The following NOX1 variants were observed in gnomAD, a reference collection of about 807,000 sequenced individuals.
The protein encoded by NOX1 is NADPH oxidase 1, also known as NADH/NADPH mitogenic oxidase subunit P65-MOX.
A neutral mutation model predicts 42.5 loss-of-function variants in NOX1; 34 were observed. The ratio of observed to expected loss-of-function variants is 0.80; its 90% confidence interval spans 0.61 to 1.07. The LOEUF is 1.07. Among genes scored for constraint, NOX1 ranks in the 50% least tolerant of loss-of-function variants. The probability of loss-of-function intolerance (pLI) is 0.00; values close to 1 mark genes in which losing one functional copy is unlikely to be tolerated. For missense variants in NOX1, 408 were observed against 427.0 expected (o/e 0.96, Z 0.39); for synonymous variants, 143 against 152.5 (o/e 0.94, Z 0.46).
At chrX:100,863,050 A>G in intron 4 of NOX1, 109 bp downstream of exon 4, 1 of 657,536 alleles carries the variant, frequency 1.5e-6, no homozygotes, top group Non-Finnish European at 2.5e-6. Flanking sequence ...TGCCTGACAA[A>G]TAGTGCCCAG....
At chrX:100,856,335 G>A in intron 7 of NOX1, 1 of 624,172 alleles carries the variant, frequency 1.6e-6, no homozygotes, top group African/African-American at 2.2e-5. Context: ...CCAATGAAGA[G>A]CTTCCTCAGC....
In NOX1 at chrX:100,874,239, G is replaced by T. The variant is rs1659557120; in HGVS notation, c.-100C>A. The T allele has an allele frequency of 1.8e-6, 1 of 567,226 alleles. No individual in the cohort carries two copies. The highest frequency in any genetic ancestry group is 2.8e-5 in the Admixed American group (1 of 36,305). 46.7% of individuals were successfully genotyped at this position (567,226 alleles called of 1,213,427 possible). A position where few individuals can be genotyped will look rare whatever the true frequency, so the allele number is the denominator to read the frequency against. On this transcript the variant is annotated 5_prime_UTR_variant, in exon 1 of 13. Transcript: ENST00000372966. ...GGAATGGAACATTTGTCCAGCGCAG[G>T]GTCTGTGAGCCTTTAAGATGTGAAA... is the stretch of plus-strand genomic sequence containing the variant.
chrX:100,859,670 T>A (rs1420517465), intron 7 of NOX1, among the ~76,000 whole-genome samples: 1 of 109,543 alleles, frequency 9.1e-6, no homozygotes, highest in Non-Finnish European at 1.9e-5. Context: ...TCTTGCGAGG[T>A]TGTATGTGTC....
At chrX:100,859,164 G>T (rs1057475671) in intron 7 of NOX1, among the ~76,000 whole-genome samples, 1 of 111,822 alleles carries the variant, frequency 8.9e-6, no homozygotes, top group African/African-American at 3.3e-5. Context: ...TTTATTGAAA[G>T]CCTTTTGTGT....
chrX:100,870,579 A>G, intron 2 of NOX1, 140 bp downstream of exon 2: 1 of 496,735 alleles, frequency 2.0e-6, no homozygotes, highest in Non-Finnish European at 3.5e-6. Flanking sequence ...TTTATCTGAA[A>G]CTCAAAGTCA....
In NOX1 at chrX:100,843,336, G is replaced by C; in HGVS notation, c.*616C>G. On this transcript the variant is annotated 3_prime_UTR_variant, in exon 13 of 13. Coordinates refer to ENST00000372966, the MANE Select transcript of NOX1 (RefSeq NM_007052.5). ...AAAGACTCATTCATCAAGTGAAGAA[G>C]AAAATCCTTTATTTTTTGATGAGCA... is the stretch of plus-strand genomic sequence containing the variant. The C allele has an allele frequency of 1.8e-6, 2 of 1,106,079 alleles. No homozygotes were observed. Among genetic ancestry groups the C allele is most frequent in the Non-Finnish European group, 2.4e-6 (2 of 850,415 alleles). The allele number at this position is 1,106,079 out of a possible 1,213,427, so 91.2% of individuals were successfully genotyped here. A position where few individuals can be genotyped will look rare whatever the true frequency, so the allele number is the denominator to read the frequency against.
At chrX:100,846,922 C>T (rs1283327342) in intron 12 of NOX1, among the ~76,000 whole-genome samples, 2 of 50 alleles carry the variant, frequency 0.04, no homozygotes, top group African/African-American at 0.091. Flanking sequence ...GGCATGGTGG[C>T]TCATGCTGTA....
At chrX:100,868,105 A>G (rs910464057) in intron 2 of NOX1, among the ~76,000 whole-genome samples, 2 of 112,232 alleles carry the variant, frequency 1.8e-5, no homozygotes, top group African/African-American at 6.5e-5. Flanking sequence ...CTATTTTTAA[A>G]GCAAATTAAT....
chrX:100,853,356 TTC>T (rs1293776210), intron 7 of NOX1, among the ~76,000 whole-genome samples: 1 of 96,904 alleles, frequency 1.0e-5, no homozygotes, highest in Non-Finnish European at 2.0e-5. Flanking sequence ...CTTTCTTTCT[TTC>T]TTTCTTTCTT....
At chrX:100,856,229 G>C in intron 7 of NOX1, 1 of 987,296 alleles carries the variant, frequency 1.0e-6, no homozygotes, top group Non-Finnish European at 1.4e-6. Flanking sequence ...GGAGCGCTTG[G>C]TGTTTGGATC....
Position 100,855,890 on chromosome X carries a change from C to T in NOX1, c.805-4565G>A, listed in dbSNP as rs763348938. 39 of 1,173,782 alleles carry T rather than the reference C, an allele frequency of 3.3e-5. No individual in the cohort carries two copies. The African/African-American group carries it at 3.5e-4, about 11-fold the overall frequency. ...TGTGGCCATTCACAGTATGGTATTT[C>T]GGAATGACAATCTTATCCACGGAGT... On this transcript the variant is annotated intron_variant, in intron 7 of 12. Coordinates refer to ENST00000372966, the MANE Select transcript of NOX1 (RefSeq NM_007052.5).
rs770975339 is a variant in NOX1 at position 100,862,545 on chromosome X, A to G, written c.518T>C (p.Ile173Thr). Residue 173 changes from isoleucine to threonine, a missense_variant, in exon 6 of 13, where the codon ATT becomes ACT. Transcript: ENST00000372966. ...CATGATCACTCCAGTGAGACCAGCA[A>G]TGCTGGTGAATGTCACATACTCCAC... The part of the protein sequence containing the change: ...TTVEYVTFTS[I>T]AGLTGVIMTI... The G allele has an allele frequency of 4.1e-6, 5 of 1,206,989 alleles. No individual in the cohort carries two copies. In the African/African-American group the frequency reaches 7.0e-5, roughly 17 times the overall value.
chrX:100,859,692 C>A (rs917017642), intron 7 of NOX1, among the ~76,000 whole-genome samples: 4 of 105,777 alleles, frequency 3.8e-5, no homozygotes, highest in Admixed American at 1.0e-4. Context: ...AGGAATTTAT[C>A]CATTTCTTCT....
chrX:100,867,202 T>C (rs1308139973), intron 2 of NOX1, among the ~76,000 whole-genome samples: 4 of 110,627 alleles, frequency 3.6e-5, no homozygotes, highest in African/African-American at 1.3e-4. Context: ...CTGGCTAATT[T>C]TTTGTATTTT....
intron 2 of NOX1, among the ~76,000 whole-genome samples, chrX:100,866,659 A>G (rs893840519): frequency 1.8e-5 from 2 of 109,581 alleles, no homozygotes; most frequent in Non-Finnish European, 3.8e-5. Flanking sequence ...ATGTGCTTTG[A>G]TCTCATTGGA....
Position 100,874,359 on chromosome X carries a change from C to T in NOX1, c.-220G>A. On this transcript the variant is annotated 5_prime_UTR_variant, in exon 1 of 13. Transcript: ENST00000372966. Reference sequence around the variant, plus strand: ...TGTGCTATCAGCTTAGATAGACCAGCCCTATCTATGAGAACCACAAGGGTT... The same window carrying T: ...TGTGCTATCAGCTTAGATAGACCAGTCCTATCTATGAGAACCACAAGGGTT... 1 of 321,458 alleles carries T rather than the reference C, an allele frequency of 3.1e-6. No homozygotes were observed. Among genetic ancestry groups the T allele is most frequent in the Admixed American group, 5.8e-5 (1 of 17,386 alleles). 26.5% of individuals were successfully genotyped at this position (321,458 alleles called of 1,213,427 possible).
rs763511943 is a variant in NOX1 at position 100,863,157 on chromosome X, A to C, written c.337+2T>G. On this transcript the variant is annotated splice_donor_variant, in intron 4 of 12. Coordinates refer to ENST00000372966, the MANE Select transcript of NOX1 (RefSeq NM_007052.5). LOFTEE classifies it high-confidence loss of function. ...TGCAGATTCATGGATTGCCTGAGTT[A>C]CCTGTATGTAGGCAGATCATATAGG... 16 of 1,181,330 alleles carry C rather than the reference A, an allele frequency of 1.4e-5. No homozygotes were observed. Among genetic ancestry groups the C allele is most frequent in the Non-Finnish European group, 1.8e-5 (16 of 867,737 alleles).
intron 7 of NOX1, among the ~76,000 whole-genome samples, chrX:100,860,747 C>A (rs1183516669): frequency 9.0e-6 from 1 of 111,112 alleles, no homozygotes; most frequent in Non-Finnish European, 1.9e-5. Context: ...TCTTTATTTA[C>A]AATGGGAATT....
At chrX:100,847,592 C>A (rs1368902631) in intron 12 of NOX1, among the ~76,000 whole-genome samples, 2 of 108,213 alleles carry the variant, frequency 1.8e-5, no homozygotes, top group East Asian at 5.8e-4. Context: ...TGGTGAAACA[C>A]CATCTCTACT....
Sources: allele counts gnomAD v4.1 joint callset (sites outside exome capture counted in the v4.1 genomes callset), GRCh38; gene constraint gnomAD v4.1.1; transcripts MANE v1.5; gene names NCBI Gene and HGNC (gene_info 2026-07-23, HGNC 2026-07-21).